Variants in WNT3 observed in about 807,000 individuals in gnomAD.
WNT3 encodes the protein Wnt family member 3.
A neutral mutation model predicts 34.2 loss-of-function variants in WNT3; 7 were observed. That is an observed-to-expected ratio of 0.20 (90% CI 0.12 to 0.38). WNT3 has a LOEUF of 0.38. Ranked by LOEUF, WNT3 falls within the 10% of genes least tolerant of loss-of-function variation. The pLI, the probability that WNT3 is intolerant of heterozygous loss-of-function variation, is 1.00. For synonymous variants in WNT3, 212 were observed against 211.5 expected (o/e 1.00, Z -0.02); for missense variants, 267 against 499.8 (o/e 0.53, Z 4.44).
At chr17:46,801,114 G>T (rs1214440888) in intron 1 of WNT3, among the ~76,000 whole-genome samples, 5 of 152,138 alleles carry the variant, frequency 3.3e-5, no homozygotes, top group African/African-American at 1.2e-4. Flanking sequence ...TCCCCATTTT[G>T]CAGAGAGAAA....
At chr17:46,795,123 C>T (rs2084036709) in intron 1 of WNT3, among the ~76,000 whole-genome samples, 1 of 152,088 alleles carries the variant, frequency 6.6e-6, no homozygotes, top group Non-Finnish European at 1.5e-5. Flanking sequence ...CTCTGAGCCA[C>T]CATTTTGGCC....
At chr17:46,771,310 T>TC (rs1568074921) in intron 2 of WNT3, among the ~76,000 whole-genome samples, 1 of 151,798 alleles carries the variant, frequency 6.6e-6, no homozygotes, top group African/African-American at 2.4e-5. Context: ...GGCCTCGGGG[T>TC]CCCAGCCGCG....
At chr17:46,814,374 G>A (rs746864707) in intron 1 of WNT3, among the ~76,000 whole-genome samples, 3 of 152,276 alleles carry the variant, frequency 2.0e-5, no homozygotes, top group African/African-American at 4.8e-5. Flanking sequence ...TGATCCTATC[G>A]GAAGAATACC....
Position 46,770,116 on chromosome 17 carries a change from C to T in WNT3, c.323-68G>A. On this transcript the variant is annotated intron_variant, in intron 2 of 4. Coordinates refer to ENST00000225512, the MANE Select transcript of WNT3 (RefSeq NM_030753.5). ...GGGAGCGCCTGCCCTGCCTCCACCT[C>T]CCAGGCCAGGACGTGAGGGGAACGA... 4 of 1,479,134 alleles carry T rather than the reference C, an allele frequency of 2.7e-6. No individual in the cohort carries two copies. The South Asian group carries it at 5.4e-5, about 20-fold the overall frequency. The allele number at this position is 1,479,134 out of a possible 1,614,324, so 91.6% of individuals were successfully genotyped here.
chr17:46,812,422 ATC>A (rs907302295), intron 1 of WNT3, among the ~76,000 whole-genome samples: 7 of 151,926 alleles, frequency 4.6e-5, no homozygotes, highest in Admixed American at 3.9e-4. Context: ...CTTCTGAATC[ATC>A]TCTCAGCTCC....
chr17:46,769,266 A>G lies in WNT3; in HGVS notation c.589-467T>C, dbSNP rs1165394643. On this transcript the variant is annotated intron_variant, in intron 3 of 4. Coordinates refer to ENST00000225512, the MANE Select transcript of WNT3 (RefSeq NM_030753.5). ...GGGAGGCGGAGGTTGCAGGGACCCA[A>G]GATCCAGCCACTGCACTCCAGCCTG... Among the ~76,000 whole-genome samples the G allele has an allele frequency of 3.3e-5, 5 of 151,836 alleles. No individual in the cohort carries two copies. The East Asian group carries it at 9.7e-4, about 29-fold the overall frequency.
chr17:46,788,411 C>T (rs73304536), intron 1 of WNT3, among the ~76,000 whole-genome samples: 139,451 of 152,196 alleles, frequency 0.92, 65,061 homozygotes, highest in East Asian at 1. Context: ...CACACCAGGA[C>T]TTTGCTGGGT....
rs2059333259 is a variant in WNT3 at position 46,768,309 on chromosome 17, T to C, written c.*8+3A>G. 2 of 1,613,256 alleles carry C rather than the reference T, an allele frequency of 1.2e-6. No homozygotes were observed. Among genetic ancestry groups the C allele is most frequent in the Admixed American group, 3.3e-5 (2 of 59,998 alleles). ...GCCTCCCCCCTGCTTCCCGGAGCCC[T>C]ACCTGGTGCCCTACTTGCAGGTGTG... On this transcript the variant is annotated splice_donor_region_variant and intron_variant, in intron 4 of 4. Transcript: ENST00000225512. This position sits in a 1 kb window ranked among gnomAD's most constrained non-coding sequence, Gnocchi z 5.0.
intron 1 of WNT3, among the ~76,000 whole-genome samples, chr17:46,801,631 T>G (rs1282170557): frequency 1.4e-5 from 2 of 146,026 alleles, no homozygotes; most frequent in African/African-American, 5.1e-5. Context: ...AAAAACAAAT[T>G]GAATTGAATT....
At chr17:46,814,544 G>A (rs1167930202) in intron 1 of WNT3, among the ~76,000 whole-genome samples, 1 of 152,192 alleles carries the variant, frequency 6.6e-6, no homozygotes, top group Non-Finnish European at 1.5e-5. Context: ...AGACCACCCG[G>A]TTAAAGCCTG....
intron 1 of WNT3, among the ~76,000 whole-genome samples, chr17:46,787,507 A>C (rs2059518623): frequency 6.6e-6 from 1 of 152,174 alleles, no homozygotes; most frequent in African/African-American, 2.4e-5. Flanking sequence ...CACTGGTTGG[A>C]GGCAGTGCAG....
At chr17:46,809,216 G>A (rs2084237941) in intron 1 of WNT3, among the ~76,000 whole-genome samples, 1 of 152,212 alleles carries the variant, frequency 6.6e-6, no homozygotes, top group Non-Finnish European at 1.5e-5. Context: ...CATGGGAGGT[G>A]TCAGAGCAGG....
chr17:46,804,721 A>G (rs1023869769), intron 1 of WNT3, among the ~76,000 whole-genome samples: 1 of 152,228 alleles, frequency 6.6e-6, no homozygotes, highest in South Asian at 2.1e-4. Context: ...TCCTGGGTCA[A>G]CTGGGGACTT....
intron 1 of WNT3, among the ~76,000 whole-genome samples, chr17:46,797,889 T>C (rs1376135140): frequency 1.3e-5 from 2 of 152,130 alleles, no homozygotes; most frequent in African/African-American, 2.4e-5. Flanking sequence ...ATAGGCAAAA[T>C]AAAACATTTC....
At chr17:46,790,846 C>T (rs367911435) in intron 1 of WNT3, among the ~76,000 whole-genome samples, 2 of 152,220 alleles carry the variant, frequency 1.3e-5, no homozygotes, top group South Asian at 2.1e-4. Flanking sequence ...GTTTTATGTG[C>T]GTTCCAAAAC....
intron 1 of WNT3, among the ~76,000 whole-genome samples, chr17:46,816,149 GCA>G (rs900652986): frequency 1.5e-5 from 2 of 131,052 alleles, no homozygotes; most frequent in African/African-American, 5.8e-5. Flanking sequence ...ACGCACGCAC[GCA>G]CACACACACT....
chr17:46,764,991 G>A (rs147733956), intron 4 of WNT3, among the ~76,000 whole-genome samples: 1 of 152,358 alleles, frequency 6.6e-6, no homozygotes, highest in African/African-American at 2.4e-5. Flanking sequence ...CTGGGCTCAC[G>A]CCAGGCATGC....
intron 1 of WNT3, among the ~76,000 whole-genome samples, chr17:46,804,529 A>AT (rs2084168069): frequency 6.6e-6 from 1 of 152,206 alleles, no homozygotes; most frequent in Non-Finnish European, 1.5e-5. Context: ...CAGAGAGCTG[A>AT]TGGCAGGCCC....
chr17:46,781,668 C>G (rs574405603), intron 1 of WNT3, among the ~76,000 whole-genome samples: 11 of 152,216 alleles, frequency 7.2e-5, no homozygotes, highest in Middle Eastern at 3.4e-3. Flanking sequence ...GATGGTCACA[C>G]AGCATTGGAA....
Sources: gnomAD v4.1 joint callset for allele counts (sites outside exome capture counted in the v4.1 genomes callset) on GRCh38, gnomAD v4.1.1 for gene constraint, Gnocchi (gnomAD v3.1) non-coding constraint, MANE v1.5 for transcripts, NCBI Gene and HGNC (gene_info 2026-07-23, HGNC 2026-07-21) for gene names.